TMEM64: variants seen among roughly 807,000 people sequenced by gnomAD.
TMEM64 encodes the protein transmembrane protein 64.
Under a neutral mutation model 24.5 loss-of-function variants are expected in TMEM64, and 19 were observed. The ratio of observed to expected loss-of-function variants is 0.78; its 90% CI spans 0.54 to 1.14. TMEM64 has a LOEUF of 1.14. TMEM64 is among the 50% of genes most tolerant of loss of function. TMEM64 has a pLI of 0.00. For synonymous variants in TMEM64, 262 were observed against 224.7 expected (o/e 1.17, Z -1.49); for missense variants, 487 against 493.0 (o/e 0.99, Z 0.12).
rs1256818069 is a variant in TMEM64, at chr8:90,628,315, TCA to T, written c.952-2455_952-2454del. Among the ~76,000 whole-genome samples the T allele has an allele frequency of 2.0e-5, 3 of 152,304 alleles. No individual in the cohort carries two copies. In the East Asian group the frequency reaches 5.8e-4, roughly 29 times the overall value. On this transcript the variant is annotated intron_variant, in intron 2 of 2. Coordinates refer to ENST00000458549, the MANE Select transcript of TMEM64 (RefSeq NM_001008495.4). ...GTTAACAGATTTCTTATATGCAAATTCAGGGGTTTCTCAGTTGAAGGCTTCTG... is the reference window on the plus strand; with the variant it reads ...GTTAACAGATTTCTTATATGCAAATTGGGGTTTCTCAGTTGAAGGCTTCTG...
At chr8:90,641,296 C>A (rs1415514200) in intron 1 of TMEM64, among the ~76,000 whole-genome samples, 1 of 152,164 alleles carries the variant, frequency 6.6e-6, no homozygotes, top group Admixed American at 6.5e-5. Flanking sequence ...AGCTGTATTC[C>A]AGTAACACTA....
At chr8:90,636,082 G>A (rs1042298877) in intron 1 of TMEM64, among the ~76,000 whole-genome samples, 1 of 152,148 alleles carries the variant, frequency 6.6e-6, no homozygotes, top group Non-Finnish European at 1.5e-5. Context: ...TTACCCTTGG[G>A]AAACAGTGTT....
intron 2 of TMEM64, among the ~76,000 whole-genome samples, chr8:90,628,350 T>C (rs1295255091): frequency 6.6e-6 from 1 of 152,192 alleles, no homozygotes; most frequent in Non-Finnish European, 1.5e-5. Context: ...CTGATTTTTC[T>C]GTTAAGCAAG....
At chr8:90,636,709 C>G (rs1036078939) in intron 1 of TMEM64, among the ~76,000 whole-genome samples, 5 of 152,216 alleles carry the variant, frequency 3.3e-5, no homozygotes, top group African/African-American at 9.6e-5. Flanking sequence ...TTATAAAATT[C>G]TGTCTCCTTG....
In TMEM64 at chr8:90,625,500, C is replaced by T. The variant is rs1052588808; in HGVS notation, c.*171G>A. ...AAATTTGCATCTACATTTACACTTA[C>T]ATACCCAGAAAATGATTCTTGCTTT... On this transcript the variant is annotated 3_prime_UTR_variant, in exon 3 of 3. Coordinates refer to ENST00000458549, the MANE Select transcript of TMEM64 (RefSeq NM_001008495.4). 9 of 558,478 alleles carry T rather than the reference C, an allele frequency of 1.6e-5. No individual in the cohort carries two copies. The highest frequency in any genetic ancestry group is 3.0e-5 in the South Asian group (1 of 33,044). The allele number at this position is 558,478 out of a possible 1,614,324, so 34.6% of individuals were successfully genotyped here.
At position 90,645,956 on chromosome 8, in the gene TMEM64, C is replaced by G. The variant is rs1418489451; in HGVS notation, c.-51G>C. 12 of 1,042,590 alleles carry G rather than the reference C, an allele frequency of 1.2e-5. No individual in the cohort carries two copies. Among genetic ancestry groups the G allele is most frequent in the Non-Finnish European group, 1.4e-5 (12 of 848,352 alleles). The allele number at this position is 1,042,590 out of a possible 1,614,324, so 64.6% of individuals were successfully genotyped here. On this transcript the variant is annotated 5_prime_UTR_variant, in exon 1 of 3. Coordinates refer to ENST00000458549, the MANE Select transcript of TMEM64 (RefSeq NM_001008495.4). This position sits in a 1 kb window ranked among gnomAD's most constrained non-coding sequence, Gnocchi z 4.2. ...CCGGCCAGCCCCTCCGCCGCGGCGC[C>G]CGTTAGGCAGCTGCCCTTCATGGCG...
chr8:90,640,144 A>G (rs917317643), intron 1 of TMEM64, among the ~76,000 whole-genome samples: 2 of 152,076 alleles, frequency 1.3e-5, no homozygotes, highest in African/African-American at 4.8e-5. Flanking sequence ...CCAGACTCCA[A>G]CTCTTTCAAA....
chr8:90,642,626 A>G (rs561365234), intron 1 of TMEM64, among the ~76,000 whole-genome samples: 2 of 152,302 alleles, frequency 1.3e-5, no homozygotes, highest in Admixed American at 6.5e-5. Flanking sequence ...TTTCTTTCAC[A>G]TATCTTGGCT....
Position 90,645,102 on chromosome 8 carries a change from C to A in TMEM64, c.795+9G>T. 6.3e-7 allele frequency: 1 copy of A among 1,595,532 alleles called. No individual in the cohort carries two copies. Among genetic ancestry groups the A allele is most frequent in the Non-Finnish European group, 8.6e-7 (1 of 1,167,372 alleles). Reference sequence around the variant, plus strand: ...TTGGAGAGGGATAGGCCAGCGGGACCCCACTTACCGAAAACACTGCATTCT... The same window carrying A: ...TTGGAGAGGGATAGGCCAGCGGGACACCACTTACCGAAAACACTGCATTCT... On this transcript the variant is annotated intron_variant, in intron 1 of 2. Coordinates refer to ENST00000458549, the MANE Select transcript of TMEM64 (RefSeq NM_001008495.4). The surrounding 1 kb of genome is among the most constrained non-coding windows in gnomAD (Gnocchi z 4.2).
chr8:90,645,324 G>A lies in TMEM64; in HGVS notation c.582C>T (p.Gly194=). 1 of 1,565,210 alleles carries A rather than the reference G, an allele frequency of 6.4e-7. No individual in the cohort carries two copies. Among genetic ancestry groups the A allele is most frequent in the Non-Finnish European group, 8.7e-7 (1 of 1,154,578 alleles). ...AAGYLYGFVL[G]MGLMMVGVLI... is the part of the protein sequence containing the mutation. Reference sequence around the variant, plus strand: ...GGACGCCCACCATCATCAGACCCATGCCCAGCACGAAGCCGTACAGGTAGC... The same window carrying A: ...GGACGCCCACCATCATCAGACCCATACCCAGCACGAAGCCGTACAGGTAGC... Residue 194 remains glycine (G), a synonymous_variant, in exon 1 of 3, where the codon GGC becomes GGT. Coordinates refer to ENST00000458549, the MANE Select transcript of TMEM64 (RefSeq NM_001008495.4). The surrounding 1 kb of genome is among the most constrained non-coding windows in gnomAD (Gnocchi z 4.2).
At chr8:90,637,438 G>T (rs946582951) in intron 1 of TMEM64, among the ~76,000 whole-genome samples, 3 of 152,100 alleles carry the variant, frequency 2.0e-5, no homozygotes, top group African/African-American at 7.2e-5. Flanking sequence ...GTATTCAGAA[G>T]ACCTCAAATT....
chr8:90,626,934 A>G (rs1448655007), intron 2 of TMEM64, among the ~76,000 whole-genome samples: 1 of 152,120 alleles, frequency 6.6e-6, no homozygotes, highest in African/African-American at 2.4e-5. Context: ...GGCCAACTTT[A>G]GCATTCTATG....
intron 1 of TMEM64, among the ~76,000 whole-genome samples, chr8:90,639,114 A>G (rs551540256): frequency 2.3e-4 from 31 of 137,390 alleles, no homozygotes; most frequent in African/African-American, 4.2e-4. Flanking sequence ...CTACTGGAGG[A>G]AAAAAAAAAA....
chr8:90,627,367 T>C (rs1809375382), intron 2 of TMEM64, among the ~76,000 whole-genome samples: 1 of 151,790 alleles, frequency 6.6e-6, no homozygotes, highest in Non-Finnish European at 1.5e-5. Context: ...CTGTTTTCTG[T>C]TACTTCTCTT....
Position 90,645,556 on chromosome 8 carries a change from G to A in TMEM64, c.350C>T (p.Thr117Ile). 8 of 1,546,520 alleles carry A rather than the reference G, an allele frequency of 5.2e-6. No homozygotes were observed. Among genetic ancestry groups the A allele is most frequent in the Non-Finnish European group, 7.0e-6 (8 of 1,146,726 alleles). Residue 117 changes from threonine to isoleucine, a missense_variant, in exon 1 of 3, where the codon ACC becomes ATC. Transcript: ENST00000458549. This position sits in a 1 kb window ranked among gnomAD's most constrained non-coding sequence, Gnocchi z 4.2. ...RNWRCCCLGS[T>I]CWCRSLVLVC... Reference sequence around the variant, plus strand: ...CAGCACGAGGCTCCGGCACCAACAGGTGCTGCCGAGGCAGCAGCAGCGCCA... The same window carrying A: ...CAGCACGAGGCTCCGGCACCAACAGATGCTGCCGAGGCAGCAGCAGCGCCA...
intron 1 of TMEM64, among the ~76,000 whole-genome samples, chr8:90,644,272 G>A (rs1809652398): frequency 1.3e-5 from 2 of 152,204 alleles, no homozygotes; most frequent in Admixed American, 6.5e-5. Context: ...GACAGGGTCA[G>A]TAACTTGATC....
intron 1 of TMEM64, among the ~76,000 whole-genome samples, chr8:90,633,517 T>C (rs551052225): frequency 6.6e-6 from 1 of 152,356 alleles, no homozygotes; most frequent in African/African-American, 2.4e-5. Context: ...TGATCTGGTA[T>C]ACAGCAATAC....
intron 1 of TMEM64, among the ~76,000 whole-genome samples, chr8:90,632,263 C>T (rs1012447539): frequency 2.6e-5 from 4 of 152,138 alleles, no homozygotes; most frequent in Non-Finnish European, 4.4e-5. Context: ...TTTTCTGCCT[C>T]AGCCTCCCAA....
Position 90,646,019 on chromosome 8 carries a change from G to T in TMEM64, c.-114C>A. Reference sequence around the variant, plus strand: ...GGCATCGACTCCCTGCGTCCGCTCAGAGGGTGGGAGACGGCCCGTAGAAGG... The same window carrying T: ...GGCATCGACTCCCTGCGTCCGCTCATAGGGTGGGAGACGGCCCGTAGAAGG... On this transcript the variant is annotated 5_prime_UTR_variant, in exon 1 of 3. In the 5' UTR this introduces an upstream ATG that the reference lacks. Transcript: ENST00000458549. 1 of 449,200 alleles carries T rather than the reference G, an allele frequency of 2.2e-6. No individual in the cohort carries two copies. The highest frequency in any genetic ancestry group is 3.0e-6 in the Non-Finnish European group (1 of 329,906). The allele number at this position is 449,200 out of a possible 1,614,324, so 27.8% of individuals were successfully genotyped here. A position where few individuals can be genotyped will look rare whatever the true frequency, so the allele number is the denominator to read the frequency against.
Sources: gnomAD v4.1 joint callset for allele counts (sites outside exome capture counted in the v4.1 genomes callset) on GRCh38, gnomAD v4.1.1 for gene constraint, Gnocchi (gnomAD v3.1) non-coding constraint, MANE v1.5 for transcripts, NCBI Gene and HGNC (gene_info 2026-07-23, HGNC 2026-07-21) for gene names.